Variants in DYNC2H1 observed in about 807,000 individuals in gnomAD.
The protein encoded by DYNC2H1 is cytoplasmic dynein 2 heavy chain 1.
DYNC2H1 carries 410 observed loss-of-function variants against 570.0 expected under a neutral mutation model. The observed-to-expected ratio is 0.72, with a 90% confidence interval of 0.66 to 0.78. The LOEUF (loss-of-function observed/expected upper bound fraction) is 0.78. Ranked by LOEUF, DYNC2H1 falls within the 30% of genes least tolerant of loss-of-function variation. The pLI is 0.00. For missense variants in DYNC2H1, 4,865 were observed against 5,046.4 expected, an observed-to-expected ratio of 0.96 and a Z score of 1.09; for synonymous variants, 1,688 against 1,677.6, an observed-to-expected ratio of 1.01 and a Z score of -0.15.
chr11:103,365,131 C>T (rs530208529), intron 83 of DYNC2H1, among the ~76,000 whole-genome samples: 49 of 152,092 alleles, frequency 3.2e-4, no homozygotes, highest in African/African-American at 4.3e-4. Context: ...GAGGCCGAGG[C>T]GGGTGGGATA....
At chr11:103,432,800 T>C (rs1943939338) in intron 84 of DYNC2H1, among the ~76,000 whole-genome samples, 1 of 152,160 alleles carries the variant, frequency 6.6e-6, no homozygotes, top group South Asian at 2.1e-4. Context: ...AGTACACTTC[T>C]GAGGATTATT....
intron 34 of DYNC2H1, among the ~76,000 whole-genome samples, chr11:103,171,843 A>G (rs1294454172): frequency 2.0e-5 from 3 of 152,158 alleles, no homozygotes; most frequent in African/African-American, 7.2e-5. Context: ...ACCTTCAAGC[A>G]TAGGAGCAGA....
At position 103,188,363 on chromosome 11, in the gene DYNC2H1, T is replaced by G; in HGVS notation, c.7141-134T>G. Reference sequence around the variant, plus strand: ...AGTGATATAATAATTTAAGATACCATTTAATCTAAAATTCTTGAGTTAGAT... The same window carrying G: ...AGTGATATAATAATTTAAGATACCAGTTAATCTAAAATTCTTGAGTTAGAT... On this transcript the variant is annotated intron_variant, in intron 43 of 88. Coordinates refer to ENST00000375735, the MANE Select transcript of DYNC2H1 (RefSeq NM_001377.3). 3 of 601,932 alleles carry G rather than the reference T, an allele frequency of 5.0e-6. No homozygotes were observed. In the South Asian group the frequency reaches 9.3e-5, roughly 19 times the overall value. The allele number at this position is 601,932 out of a possible 1,614,324, so 37.3% of individuals were successfully genotyped here.
At chr11:103,477,693 TG>T (rs1200883926) in intron 88 of DYNC2H1, among the ~76,000 whole-genome samples, 3 of 151,512 alleles carry the variant, frequency 2.0e-5, no homozygotes, top group Non-Finnish European at 2.9e-5. Flanking sequence ...TGCCCAGGCG[TG>T]GTGGCAGGTG....
chr11:103,414,591 T>TGTC (rs55817467), intron 84 of DYNC2H1, among the ~76,000 whole-genome samples: 76,864 of 151,764 alleles, frequency 0.51, 19,727 homozygotes, highest in African/African-American at 0.6. Flanking sequence ...GAAGTCACAT[T>TGTC]GTCTCTGTTT....
At chr11:103,175,375 T>A (rs1861759733) in intron 36 of DYNC2H1, among the ~76,000 whole-genome samples, 1 of 152,246 alleles carries the variant, frequency 6.6e-6, no homozygotes, top group African/African-American at 2.4e-5. Flanking sequence ...TGTTACTATT[T>A]TTTAATTGTC....
chr11:103,146,174 T>C (rs1860230669), intron 18 of DYNC2H1, among the ~76,000 whole-genome samples: 1 of 152,180 alleles, frequency 6.6e-6, no homozygotes, highest in African/African-American at 2.4e-5. Flanking sequence ...AAGTAAAACT[T>C]TAAAAGAAAA....
At chr11:103,367,085 T>C (rs2135546034) in intron 83 of DYNC2H1, among the ~76,000 whole-genome samples, 1 of 152,256 alleles carries the variant, frequency 6.6e-6, no homozygotes, top group East Asian at 1.9e-4. Context: ...CTAATGAAAT[T>C]GTTCTAAATG....
At chr11:103,120,662 G>C in intron 7 of DYNC2H1, 27 bp from the exon 8 acceptor site, 1 of 1,607,956 alleles carries the variant, frequency 6.2e-7, no homozygotes, top group Non-Finnish European at 8.5e-7. Flanking sequence ...AAATACTAAA[G>C]TCTAACAATG....
chr11:103,452,697 C>CTTAT (rs1944652313), intron 85 of DYNC2H1, among the ~76,000 whole-genome samples: 1 of 151,776 alleles, frequency 6.6e-6, no homozygotes, highest in Admixed American at 6.6e-5. Context: ...TATTTTGGTC[C>CTTAT]ATAAAGGAGT....
rs1013389658 is a variant in DYNC2H1, at chr11:103,166,015, A to G, written c.4729A>G (p.Ile1577Val). 8 of 1,533,568 alleles carry G rather than the reference A, an allele frequency of 5.2e-6. No individual in the cohort carries two copies. The highest frequency in any genetic ancestry group is 1.4e-5 in the African/African-American group (1 of 72,518). The allele number at this position is 1,533,568 out of a possible 1,614,324, so 95.0% of individuals were successfully genotyped here. ...LVNKLEQYTN[I>V]DTSSEDPGNT... ...GAATAAGTTAGAGCAATATACTAACATTGATACAAGTTCTGAGGATCCAGG... is the reference window on the plus strand; with the variant it reads ...GAATAAGTTAGAGCAATATACTAACGTTGATACAAGTTCTGAGGATCCAGG... The change falls in exon 31 of 89, where the codon ATT becomes GTT. Residue 1577 changes from isoleucine (I) to valine (V), a missense_variant. This residue lies in a region of DYNC2H1 where 1,936 missense variants were observed against 1,962.1 expected (regional missense o/e 0.99). Coordinates refer to ENST00000375735, the MANE Select transcript of DYNC2H1 (RefSeq NM_001377.3).
intron 18 of DYNC2H1, among the ~76,000 whole-genome samples, chr11:103,146,672 G>T (rs1280095089): frequency 6.6e-6 from 1 of 151,286 alleles, no homozygotes; most frequent in Non-Finnish European, 1.5e-5. Context: ...GTGTGATCTC[G>T]GCTTACTGCA....
intron 75 of DYNC2H1, among the ~76,000 whole-genome samples, chr11:103,293,866 C>G (rs757741106): frequency 2.0e-5 from 3 of 152,024 alleles, no homozygotes; most frequent in Non-Finnish European, 2.9e-5. Flanking sequence ...CACTTGAGGT[C>G]AGGAATTCAA....
intron 87 of DYNC2H1, among the ~76,000 whole-genome samples, chr11:103,463,286 A>G (rs1945083411): frequency 6.6e-6 from 1 of 152,228 alleles, no homozygotes; most frequent in Non-Finnish European, 1.5e-5. Flanking sequence ...CCGGAAATAC[A>G]GATAGATTGA....
intron 17 of DYNC2H1, among the ~76,000 whole-genome samples, chr11:103,141,252 A>G (rs1859908450): frequency 6.6e-6 from 1 of 152,200 alleles, no homozygotes; most frequent in Non-Finnish European, 1.5e-5. Context: ...CTGGTGAGGA[A>G]CTGCATTCCT....
chr11:103,114,861 T>G (rs1193543245), intron 3 of DYNC2H1, among the ~76,000 whole-genome samples: 1 of 152,168 alleles, frequency 6.6e-6, no homozygotes, highest in Non-Finnish European at 1.5e-5. Flanking sequence ...TATGTATTTT[T>G]TCGGTAAGGT....
intron 67 of DYNC2H1, among the ~76,000 whole-genome samples, chr11:103,255,849 T>G (rs1435294281): frequency 1.3e-5 from 2 of 152,088 alleles, no homozygotes; most frequent in African/African-American, 4.8e-5. Flanking sequence ...TTTTTATTTT[T>G]TATTAAATTG....
Position 103,309,168 on chromosome 11 carries a change from A to ATTTTTTTTTTTTTTTTTTT in DYNC2H1, c.11493+1343_11493+1361dup, listed in dbSNP as rs386374721. On this transcript the variant is annotated intron_variant, in intron 78 of 88. Transcript: ENST00000375735. ...TTATTAGTGTTTGTAACTGCATGCTATTTTTTTTTTTTTTTTTTTTTTTTG... is the reference window on the plus strand; with the variant it reads ...TTATTAGTGTTTGTAACTGCATGCTATTTTTTTTTTTTTTTTTTTTTTTTTTTTTTTTTTTTTTTTTTTG... Among the ~76,000 whole-genome samples, 156 of 54,644 alleles carry ATTTTTTTTTTTTTTTTTTT rather than the reference A, an allele frequency of 2.9e-3. 28 individuals are homozygous for ATTTTTTTTTTTTTTTTTTT. Among genetic ancestry groups the ATTTTTTTTTTTTTTTTTTT allele is most frequent in the Non-Finnish European group, 3.6e-3 (106 of 29,368 alleles). 35.8% of individuals were successfully genotyped at this position (54,644 alleles called of 152,430 possible).
chr11:103,312,816 G>A (rs948234755), intron 79 of DYNC2H1, among the ~76,000 whole-genome samples: 1 of 152,008 alleles, frequency 6.6e-6, no homozygotes, highest in Non-Finnish European at 1.5e-5. Flanking sequence ...TTCAAAACTT[G>A]TATTCCCCAT....
Sources: allele counts gnomAD v4.1 joint callset (sites outside exome capture counted in the v4.1 genomes callset), GRCh38; gene constraint gnomAD v4.1.1; regional missense constraint gnomAD v4.1.1; transcripts MANE v1.5; gene names NCBI Gene and HGNC (gene_info 2026-07-23, HGNC 2026-07-21).